The following SPATS2 variants were observed in gnomAD, a reference collection of about 807,000 sequenced individuals.
The protein encoded by SPATS2 is spermatogenesis associated serine rich 2.
Under a neutral mutation model 63.7 loss-of-function variants are expected in SPATS2, and 38 were observed. The ratio of observed to expected loss-of-function variants is 0.60; its 90% CI spans 0.46 to 0.78. The LOEUF is 0.78. Among genes scored for constraint, SPATS2 ranks in the 30% least tolerant of loss-of-function variants. SPATS2 has a pLI of 0.00. For synonymous variants in SPATS2, 207 were observed against 232.9 expected (o/e 0.89, Z 1.01); for missense variants, 588 against 666.2 (o/e 0.88, Z 1.29).
At chr12:49,428,357 C>T (rs1052887530) in intron 2 of SPATS2, among the ~76,000 whole-genome samples, 7 of 152,168 alleles carry the variant, frequency 4.6e-5, no homozygotes, top group Non-Finnish European at 8.8e-5. Flanking sequence ...TTAATACACT[C>T]ACATTCTTGT....
chr12:49,468,173 T>G (rs574257925), intron 3 of SPATS2, among the ~76,000 whole-genome samples: 2 of 151,146 alleles, frequency 1.3e-5, no homozygotes, highest in Admixed American at 6.6e-5. Context: ...TTTTCTTTTT[T>G]TTTTTGAAAT....
chr12:49,395,655 A>G (rs1165062281), intron 2 of SPATS2, among the ~76,000 whole-genome samples: 1 of 150,860 alleles, frequency 6.6e-6, no homozygotes, highest in Non-Finnish European at 1.5e-5. Context: ...TGAACTCCTG[A>G]CCGCAGGTGA....
intron 2 of SPATS2, among the ~76,000 whole-genome samples, chr12:49,441,150 G>T (rs1945411444): frequency 6.6e-6 from 1 of 152,030 alleles, no homozygotes; most frequent in Non-Finnish European, 1.5e-5. Flanking sequence ...TTTTCTAATT[G>T]GGCTACAGTG....
At chr12:49,509,276 T>C (rs961908795) in intron 9 of SPATS2, among the ~76,000 whole-genome samples, 205 of 121,992 alleles carry the variant, frequency 1.7e-3, no homozygotes, top group Non-Finnish European at 2.8e-3. Context: ...CTAACTTCTT[T>C]TTTTTTTTTT....
In SPATS2 at chr12:49,439,439, A is replaced by G. The variant is rs191622066; in HGVS notation, c.-243-21331A>G. Among the ~76,000 whole-genome samples the G allele has an allele frequency of 4.5e-3, 678 of 152,334 alleles. 2 individuals carry two copies. The highest frequency in any genetic ancestry group is 7.4e-3 in the Non-Finnish European group (504 of 68,020). On this transcript the variant is annotated intron_variant, in intron 2 of 13. Coordinates refer to ENST00000552918, the MANE Select transcript of SPATS2 (RefSeq NM_023071.4). ...GCAGGGAACTCAGGAAGCTATGATA[A>G]TAGCACAAGCTGTAAAAATCACGAT...
chr12:49,457,173 G>T (rs937414018), intron 2 of SPATS2, among the ~76,000 whole-genome samples: 17 of 152,080 alleles, frequency 1.1e-4, no homozygotes, highest in African/African-American at 3.9e-4. Context: ...CTTTTGGTTT[G>T]AGGGTTTATA....
chr12:49,426,181 G>GT lies in SPATS2; in HGVS notation c.-243-34582dup, dbSNP rs571516980. Among the ~76,000 whole-genome samples the GT allele has an allele frequency of 1.3e-3, 195 of 151,384 alleles. 2 individuals carry two copies. The South Asian group carries it at 0.039, about 31-fold the overall frequency. ...GGTAAGAGGTAAAAGGACATCTTTAGTTTTTTTCTTTGTTTTTGGTAAACT... is the reference window on the plus strand; with the variant it reads ...GGTAAGAGGTAAAAGGACATCTTTAGTTTTTTTTCTTTGTTTTTGGTAAACT... On this transcript the variant is annotated intron_variant, in intron 2 of 13. Coordinates refer to ENST00000552918, the MANE Select transcript of SPATS2 (RefSeq NM_023071.4).
At position 49,481,368 on chromosome 12, in the gene SPATS2, AAAAG is replaced by A. The variant is rs372155943; in HGVS notation, c.26-3214_26-3211del. On this transcript the variant is annotated intron_variant, in intron 3 of 13. Coordinates refer to ENST00000552918, the MANE Select transcript of SPATS2 (RefSeq NM_023071.4). ...AGAGCGAGACTCCGTCTCCAGAAAA[AAAAG>A]AAAGAAATAATTCCAAAAAAACTTC... 4.7e-4 allele frequency among the ~76,000 whole-genome samples: 72 copies of A among 152,312 alleles called. No individual in the cohort carries two copies. In the South Asian group the frequency reaches 0.012, roughly 25 times the overall value.
At chr12:49,490,083 T>C (rs1946358940) in intron 5 of SPATS2, 1 of 153,390 alleles carries the variant, frequency 6.5e-6, no homozygotes, top group African/African-American at 2.4e-5. Flanking sequence ...AGAAGTGTTT[T>C]ATGAACCTTC....
In SPATS2 at chr12:49,445,128, A is replaced by G. The variant is rs76455018; in HGVS notation, c.-243-15642A>G. 4.1e-3 allele frequency among the ~76,000 whole-genome samples: 621 copies of G among 152,260 alleles called. 1 individual carries two copies. Among genetic ancestry groups the G allele is most frequent in the African/African-American group, 0.014 (601 of 41,548 alleles). On this transcript the variant is annotated intron_variant, in intron 2 of 13. Coordinates refer to ENST00000552918, the MANE Select transcript of SPATS2 (RefSeq NM_023071.4). ...CTTTCATCCTTATTGCACTGACAAGATCTTTCAGTATGTTGTTGAAAACAA... is the reference window on the plus strand; with the variant it reads ...CTTTCATCCTTATTGCACTGACAAGGTCTTTCAGTATGTTGTTGAAAACAA...
In SPATS2 at chr12:49,460,950, C is replaced by T; in HGVS notation, c.-63C>T. The stretch of plus-strand genomic sequence containing the variant: ...CTTTTAAATCAGAGATACCTACACT[C>T]AAAACCCAGACAAGGCAAAAGGATA... On this transcript the variant is annotated 5_prime_UTR_variant, in exon 3 of 14. Transcript: ENST00000552918. 6.2e-7 allele frequency: 1 copy of T among 1,600,848 alleles called. No individual in the cohort carries two copies. The highest frequency in any genetic ancestry group is 1.3e-5 in the African/African-American group (1 of 74,596).
chr12:49,421,272 G>T (rs1385588012), intron 2 of SPATS2, among the ~76,000 whole-genome samples: 1 of 151,980 alleles, frequency 6.6e-6, no homozygotes, highest in Non-Finnish European at 1.5e-5. Context: ...ACAAAAATTA[G>T]CTGGGCATGG....
chr12:49,403,594 TACACACACACACACACACAC>T (rs5798102), intron 2 of SPATS2, among the ~76,000 whole-genome samples: 23 of 128,498 alleles, frequency 1.8e-4, no homozygotes, highest in African/African-American at 3.9e-4. Context: ...TGCCACTGTC[TACACACACACACACACACAC>T]ACACACACAC....
At chr12:49,476,534 G>A (rs909959848) in intron 3 of SPATS2, among the ~76,000 whole-genome samples, 1 of 152,152 alleles carries the variant, frequency 6.6e-6, no homozygotes, top group African/African-American at 2.4e-5. Flanking sequence ...GCCTATGGAT[G>A]GTAGGTTGCT....
chr12:49,503,655 A>G (rs1483207881), intron 9 of SPATS2, among the ~76,000 whole-genome samples: 1 of 151,860 alleles, frequency 6.6e-6, no homozygotes, highest in East Asian at 1.9e-4. Flanking sequence ...TCTCAAAAAA[A>G]AAAAAGAAAA....
intron 9 of SPATS2, among the ~76,000 whole-genome samples, chr12:49,509,012 C>T (rs1054670573): frequency 6.6e-5 from 10 of 151,706 alleles, no homozygotes; most frequent in African/African-American, 1.5e-4. Flanking sequence ...TGCAGTGAGC[C>T]GAGATCATGC....
chr12:49,454,494 C>CA (rs1945683586), intron 2 of SPATS2: 1 of 152,046 alleles, frequency 6.6e-6, no homozygotes, highest in African/African-American at 2.4e-5. Context: ...TCTTTGAATG[C>CA]AAAAAACATT....
chr12:49,486,236 A>G (rs1044499682), intron 4 of SPATS2: 12 of 452,184 alleles, frequency 2.7e-5, no homozygotes, highest in African/African-American at 2.2e-4. Flanking sequence ...ATGGAATTTC[A>G]CTCTGTCGTC....
At chr12:49,471,132 G>A (rs1946027707) in intron 3 of SPATS2, among the ~76,000 whole-genome samples, 1 of 152,122 alleles carries the variant, frequency 6.6e-6, no homozygotes, top group African/African-American at 2.4e-5. Context: ...TGGCAAGATT[G>A]CAGAAGACTT....
Sources: gnomAD v4.1 joint callset for allele counts (sites outside exome capture counted in the v4.1 genomes callset) on GRCh38, gnomAD v4.1.1 for gene constraint, MANE v1.5 for transcripts, NCBI Gene and HGNC (gene_info 2026-07-23, HGNC 2026-07-21) for gene names.